Variants in KANSL1 observed in about 807,000 individuals in gnomAD.
KANSL1 encodes the protein KAT8 regulatory NSL complex subunit 1.
A neutral mutation model predicts 103.6 loss-of-function variants in KANSL1; 22 were observed. That is an observed-to-expected ratio of 0.21 (90% CI 0.15 to 0.30). The LOEUF is 0.30. Ranked by LOEUF, KANSL1 falls within the 10% of genes least tolerant of loss-of-function variation. The pLI is 1.00. For missense variants in KANSL1, 1,337 were observed against 1,399.8 expected (o/e 0.96, Z 0.72); for synonymous variants, 600 against 527.6 (o/e 1.14, Z -1.88).
intron 1 of KANSL1, among the ~76,000 whole-genome samples, chr17:46,185,326 A>C (rs1439072873): frequency 6.6e-6 from 1 of 152,228 alleles, no homozygotes; most frequent in Non-Finnish European, 1.5e-5. Flanking sequence ...AGAGGCATCA[A>C]CTGAACCTAG....
upstream of KANSL1, among the ~76,000 whole-genome samples, chr17:46,197,087 C>T (rs1206001368): frequency 6.6e-6 from 1 of 152,104 alleles, no homozygotes; most frequent in African/African-American, 2.4e-5. Flanking sequence ...GCAAACCAGC[C>T]TGGGCAACAG....
chr17:46,223,212 A>G (rs977863785), intron 1 of KANSL1: 1 of 152,476 alleles, frequency 6.6e-6, no homozygotes, highest in African/African-American at 2.4e-5. Flanking sequence ...CTAATATACT[A>G]TATGAAGTTT....
rs2046270867 is a variant in KANSL1 at position 46,171,262 on chromosome 17, A to G, written c.882T>C (p.Ile294=). The change falls in exon 2 of 15, where the codon ATT becomes ATC. Residue 294 remains isoleucine (I), a synonymous_variant. Transcript: ENST00000432791. ...ITALLRRQAD[I]ESRARRLQKR... ...TTTGTAATCTGCGGGCACGGCTCTCAATGTCAGCCTGTCGCCGCAGTAAAG... is the reference window on the plus strand; with the variant it reads ...TTTGTAATCTGCGGGCACGGCTCTCGATGTCAGCCTGTCGCCGCAGTAAAG... 1.2e-6 allele frequency: 2 copies of G among 1,614,008 alleles called. No individual in the cohort carries two copies. The highest frequency in any genetic ancestry group is 1.3e-5 in the African/African-American group (1 of 74,886).
intron 2 of KANSL1, among the ~76,000 whole-genome samples, chr17:46,099,289 ACT>A (rs1298640367): frequency 9.1e-6 from 1 of 109,706 alleles, no homozygotes; most frequent in Non-Finnish European, 2.4e-5. Flanking sequence ...GCGCCACTGC[ACT>A]CTCGCCTGGG....
In KANSL1 at chr17:46,077,200, C is replaced by T. The variant is rs552464321; in HGVS notation, c.1533+5241G>A. Reference sequence around the variant, plus strand: ...CAGAGTAGTGAGGACTACAGGTGCACGCCCCCACACCAGGCTCATTTTTGT... The same window carrying T: ...CAGAGTAGTGAGGACTACAGGTGCATGCCCCCACACCAGGCTCATTTTTGT... On this transcript the variant is annotated intron_variant, in intron 4 of 14. Coordinates refer to ENST00000432791, the MANE Select transcript of KANSL1 (RefSeq NM_015443.4). Among the ~76,000 whole-genome samples, 4 of 152,206 alleles carry T rather than the reference C, an allele frequency of 2.6e-5. No individual in the cohort carries two copies. In the South Asian group the frequency reaches 8.3e-4, roughly 32 times the overall value.
intron 1 of KANSL1, among the ~76,000 whole-genome samples, chr17:46,212,294 C>T (rs1443250537): frequency 2.0e-5 from 3 of 151,882 alleles, no homozygotes; most frequent in African/African-American, 7.3e-5. Flanking sequence ...CATCTCAGCT[C>T]ACTGCAACCT....
chr17:46,184,942 C>T (rs1283475470), intron 1 of KANSL1, among the ~76,000 whole-genome samples: 3 of 150,894 alleles, frequency 2.0e-5, no homozygotes, highest in Non-Finnish European at 4.4e-5. Context: ...TGAGTTCAAG[C>T]GTTTCTCCTG....
intron 4 of KANSL1, among the ~76,000 whole-genome samples, chr17:46,077,844 C>T (rs2078840854): frequency 6.6e-6 from 1 of 152,172 alleles, no homozygotes; most frequent in South Asian, 2.1e-4. Context: ...AGGCATGAGC[C>T]ACCGTGCTCG....
intron 1 of KANSL1, among the ~76,000 whole-genome samples, chr17:46,200,350 C>T (rs868788235): frequency 5.9e-5 from 9 of 152,304 alleles, no homozygotes; most frequent in African/African-American, 2.2e-4. Flanking sequence ...CAGCTGTGAG[C>T]AGCCAAGTTG....
intron 7 of KANSL1, among the ~76,000 whole-genome samples, chr17:46,049,240 C>CTTTTTTTTTTT (rs34418861): frequency 6.6e-5 from 5 of 75,768 alleles, no homozygotes; most frequent in South Asian, 4.7e-4. Context: ...CATCCAAGAC[C>CTTTTTTTTTTT]TTTTTTTTTT....
At position 46,152,311 on chromosome 17, in the gene KANSL1, T is replaced by C. The variant is rs117506846; in HGVS notation, c.1289+18544A>G. Among the ~76,000 whole-genome samples, 10 of 152,324 alleles carry C rather than the reference T, an allele frequency of 6.6e-5. No homozygotes were observed. The East Asian group carries it at 1.9e-3, about 29-fold the overall frequency. ...CTAGAGCTTACTCCCAGAACACAAA[T>C]AACACCTTTCACTTAAAACAACGTA... On this transcript the variant is annotated intron_variant, in intron 2 of 14. Transcript: ENST00000432791.
At chr17:46,224,351 TA>T (rs1296280878), upstream of KANSL1, among the ~76,000 whole-genome samples, 3 of 151,484 alleles carry the variant, frequency 2.0e-5, no homozygotes, top group Non-Finnish European at 4.4e-5. Context: ...GGGAGGAAGG[TA>T]AATTTGCCTG....
intron 2 of KANSL1, among the ~76,000 whole-genome samples, chr17:46,100,289 T>C (rs1264712953): frequency 2.6e-5 from 4 of 152,126 alleles, no homozygotes; most frequent in South Asian, 2.1e-4. Context: ...TAAAAAAAAT[T>C]ATCCAGACGT....
At chr17:46,200,971 G>A (rs1276582836) in intron 1 of KANSL1, among the ~76,000 whole-genome samples, 1 of 151,988 alleles carries the variant, frequency 6.6e-6, no homozygotes, top group Non-Finnish European at 1.5e-5. Flanking sequence ...GGAGTGCATG[G>A]CAAAATCTGG....
chr17:46,217,982 T>C (rs1171540903), intron 1 of KANSL1, among the ~76,000 whole-genome samples: 1 of 151,538 alleles, frequency 6.6e-6, no homozygotes, highest in Non-Finnish European at 1.5e-5. Context: ...ACCGATATTA[T>C]GCCACTGCAC....
Position 46,039,832 on chromosome 17 carries a change from G to C in KANSL1, c.2073C>G (p.Asn691Lys), listed in dbSNP as rs1238869755. ...FQSMLKSQWQNKPFDKIKPPK... is the reference protein window; with the variant it reads ...FQSMLKSQWQKKPFDKIKPPK... ...GAGGTTTGATTTTGTCAAAAGGCTTGTTCTGCCACTGAGATTTCAGCATGC... is the reference window on the plus strand; with the variant it reads ...GAGGTTTGATTTTGTCAAAAGGCTTCTTCTGCCACTGAGATTTCAGCATGC... Residue 691 changes from asparagine to lysine, a missense_variant, in exon 8 of 15, where the codon AAC (asparagine) becomes AAG (lysine). Asn to Lys is a moderately conservative substitution (Grantham distance 94). Transcript: ENST00000432791. 6.2e-7 allele frequency: 1 copy of C among 1,614,060 alleles called. No individual in the cohort carries two copies. The highest frequency in any genetic ancestry group is 1.3e-5 in the African/African-American group (1 of 74,934).
intron 2 of KANSL1, among the ~76,000 whole-genome samples, chr17:46,145,255 A>T (rs968140929): frequency 6.6e-6 from 1 of 152,194 alleles, no homozygotes; most frequent in East Asian, 1.9e-4. Flanking sequence ...TCAACCACTT[A>T]CTATCATTTT....
chr17:46,139,293 G>C (rs1036906612), intron 2 of KANSL1, among the ~76,000 whole-genome samples: 3 of 107,992 alleles, frequency 2.8e-5, no homozygotes, highest in African/African-American at 6.5e-5. Flanking sequence ...ATCTTTCATA[G>C]GCCAAAAAAA....
chr17:46,177,562 T>G (rs1262085882), intron 1 of KANSL1, among the ~76,000 whole-genome samples: 2 of 152,250 alleles, frequency 1.3e-5, no homozygotes, highest in Non-Finnish European at 2.9e-5. Flanking sequence ...TGCTTCATTA[T>G]TAAATGAAAA....
Sources: gnomAD v4.1 joint callset for allele counts (sites outside exome capture counted in the v4.1 genomes callset) on GRCh38, gnomAD v4.1.1 for gene constraint, MANE v1.5 for transcripts, NCBI Gene and HGNC (gene_info 2026-07-23, HGNC 2026-07-21) for gene names.